MYH11: variants seen among roughly 807,000 people sequenced by gnomAD.
MYH11 encodes the protein myosin-11.
In MYH11, 80 loss-of-function variants were observed where a neutral mutation model predicts 246.6. That is an observed-to-expected ratio of 0.32 (90% CI 0.27 to 0.39). The LOEUF (loss-of-function observed/expected upper bound fraction) is 0.39. Among genes scored for constraint, MYH11 ranks in the 10% least tolerant of loss-of-function variants. MYH11 has a pLI of 1.00. For synonymous variants in MYH11, 1,071 were observed against 1,015.5 expected, an observed-to-expected ratio of 1.05 and a Z score of -1.04; for missense variants, 2,158 against 2,546.8, an observed-to-expected ratio of 0.85 and a Z score of 3.29.
intron 6 of MYH11, among the ~76,000 whole-genome samples, chr16:15,781,351 T>G (rs1347473879): frequency 6.6e-6 from 1 of 152,142 alleles, no homozygotes; most frequent in Non-Finnish European, 1.5e-5. Flanking sequence ...AAGGAGACAT[T>G]ATGTAATTGT....
chr16:15,821,535 C>T lies in MYH11; in HGVS notation c.502+1720G>A, dbSNP rs901934043. ...ACTGTAGAAATGCTTACCCATCTGTCGCTCCCCCTCCTTCTCCTTTGCTAA... is the reference window on the plus strand; with the variant it reads ...ACTGTAGAAATGCTTACCCATCTGTTGCTCCCCCTCCTTCTCCTTTGCTAA... On this transcript the variant is annotated intron_variant, in intron 3 of 40. Transcript: ENST00000300036. Among the ~76,000 whole-genome samples the T allele has an allele frequency of 2.0e-5, 3 of 152,062 alleles. No individual in the cohort carries two copies. In the East Asian group the frequency reaches 5.8e-4, roughly 29 times the overall value.
intron 36 of MYH11, 138 bp downstream of exon 36, chr16:15,719,082 T>G: frequency 1.2e-6 from 1 of 817,934 alleles, no homozygotes; most frequent in Non-Finnish European, 2.0e-6. Flanking sequence ...GAGCCAAGAT[T>G]GTGCCACTGC....
At position 15,737,456 on chromosome 16, in the gene MYH11, G is replaced by T. The variant is rs886039079; in HGVS notation, c.3286C>A (p.Leu1096Met). ...CCTTGCCAGCCCCGCTACCTGGCCA[G>T]GGCCGCCTGCAGCTCCTCCTCCTTC... The part of the protein sequence containing the change: ...AKKEEELQAA[L>M]ARLDDEIAQK... The change falls in exon 25 of 41, where the codon CTG (leucine) becomes ATG (methionine). Residue 1096 changes from leucine to methionine, a missense_variant. Around this residue, in one of 11 missense-constraint regions of MYH11, gnomAD observed 284 missense variants for 315.4 expected, o/e 0.90. Transcript: ENST00000300036. The T allele has an allele frequency of 2.5e-6, 4 of 1,612,492 alleles. No homozygotes were observed. The Admixed American group carries it at 6.7e-5, about 27-fold the overall frequency.
intron 1 of MYH11, among the ~76,000 whole-genome samples, chr16:15,845,973 C>G (rs1055347560): frequency 6.6e-6 from 1 of 152,084 alleles, no homozygotes; most frequent in African/African-American, 2.4e-5. Flanking sequence ...GTGGTACGTG[C>G]CTGTAGCCCC....
intron 40 of MYH11, among the ~76,000 whole-genome samples, chr16:15,707,327 C>T (rs927117207): frequency 7.9e-5 from 12 of 152,304 alleles, no homozygotes; most frequent in African/African-American, 2.6e-4. Flanking sequence ...CTGTGCCTGG[C>T]CTAGCATTTG....
intron 19 of MYH11, among the ~76,000 whole-genome samples, chr16:15,746,162 G>A (rs2041413181): frequency 6.6e-6 from 1 of 151,572 alleles, no homozygotes; most frequent in South Asian, 2.1e-4. Context: ...CTGGGCTCAA[G>A]CAATCCTCCT....
At chr16:15,746,521 T>C (rs2151258482) in intron 19 of MYH11, among the ~76,000 whole-genome samples, 1 of 152,210 alleles carries the variant, frequency 6.6e-6, no homozygotes, top group South Asian at 2.1e-4. Flanking sequence ...TGGGTCCATG[T>C]GTCAATGAAT....
chr16:15,788,066 T>C (rs1415376394), intron 4 of MYH11, among the ~76,000 whole-genome samples: 1 of 149,162 alleles, frequency 6.7e-6, no homozygotes, highest in East Asian at 2.0e-4. Context: ...TCCTGGAATA[T>C]GAAGGTAGAT....
intron 9 of MYH11, among the ~76,000 whole-genome samples, chr16:15,768,833 A>ATTGG (rs61106688): frequency 0.062 from 9,437 of 152,152 alleles, 924 homozygotes; most frequent in African/African-American, 0.21. Flanking sequence ...TAAAGGGGAA[A>ATTGG]CAAGTGCCAA....
intron 23 of MYH11, among the ~76,000 whole-genome samples, chr16:15,739,250 C>T (rs528085077): frequency 6.6e-6 from 1 of 152,160 alleles, no homozygotes; most frequent in East Asian, 1.9e-4. Context: ...CAGGCGCCCG[C>T]CAACACACCC....
rs763607609 is a variant in MYH11 at position 15,756,479 on chromosome 16, C to G, written c.1611G>C (p.Glu537Asp). Residue 537 changes from glutamate to aspartate, a missense_variant, in exon 14 of 41, where the codon GAG becomes GAC. Physicochemically the swap from Glu to Asp is conservative, Grantham distance 45 (BLOSUM62 2). This residue lies in a region of MYH11 where 317 missense variants were observed against 507.7 expected (regional missense o/e 0.62). Coordinates refer to ENST00000300036, the MANE Select transcript of MYH11 (RefSeq NM_002474.3). ...NPPGVLALLD[E>D]ECWFPKATDK... ...CCGTGGCTTTGGGGAACCAGCATTC[C>G]TCGTCCAGCAGGGCCAGCACACCTG... The G allele has an allele frequency of 6.2e-7, 1 of 1,614,204 alleles. No individual in the cohort carries two copies. The highest frequency in any genetic ancestry group is 2.2e-5 in the East Asian group (1 of 44,874).
chr16:15,856,333 T>TAA (rs548513969), intron 1 of MYH11, among the ~76,000 whole-genome samples: 2,038 of 140,816 alleles, frequency 0.014, 24 homozygotes, highest in Middle Eastern at 0.032. Context: ...CTAAACTGAT[T>TAA]AAAAAAAAAA....
At chr16:15,704,858 A>C (rs2039364686) in intron 40 of MYH11, among the ~76,000 whole-genome samples, 2 of 152,228 alleles carry the variant, frequency 1.3e-5, no homozygotes, top group South Asian at 4.1e-4. Context: ...TATTTTATTA[A>C]ATTGAGATGA....
intron 3 of MYH11, among the ~76,000 whole-genome samples, chr16:15,805,013 A>G (rs2042977193): frequency 6.6e-6 from 1 of 152,184 alleles, no homozygotes; most frequent in South Asian, 2.1e-4. Flanking sequence ...TTCTTCGGGT[A>G]CATACCCTAA....
intron 32 of MYH11, 69 bp from the exon 33 acceptor site, chr16:15,721,120 T>C: frequency 1.3e-6 from 2 of 1,547,364 alleles, no homozygotes; most frequent in Admixed American, 3.4e-5. Context: ...AAACCCACCG[T>C]GAGCGGCACC....
chr16:15,728,442 A>G (rs1313922873), intron 27 of MYH11, among the ~76,000 whole-genome samples: 1 of 152,236 alleles, frequency 6.6e-6, no homozygotes, highest in Non-Finnish European at 1.5e-5. Flanking sequence ...ACAATCTGCC[A>G]CATCTAAGTA....
chr16:15,710,919 C>G (rs1275075084), intron 40 of MYH11, among the ~76,000 whole-genome samples: 1 of 152,136 alleles, frequency 6.6e-6, no homozygotes, highest in Non-Finnish European at 1.5e-5. Context: ...CTCAGGTGAT[C>G]AGCCCACCTC....
At chr16:15,783,685 G>T (rs2042405603) in intron 5 of MYH11, among the ~76,000 whole-genome samples, 1 of 152,102 alleles carries the variant, frequency 6.6e-6, no homozygotes, top group Non-Finnish European at 1.5e-5. Flanking sequence ...ATAAACTTGG[G>T]GTCTCCATGC....
intron 40 of MYH11, among the ~76,000 whole-genome samples, chr16:15,707,833 G>A (rs1468258044): frequency 2.0e-5 from 3 of 152,084 alleles, no homozygotes; most frequent in African/African-American, 4.8e-5. Flanking sequence ...TTAGCTGGGC[G>A]AGGTGGCGGG....
Sources: allele counts gnomAD v4.1 joint callset (sites outside exome capture counted in the v4.1 genomes callset), GRCh38; gene constraint gnomAD v4.1.1; regional missense constraint gnomAD v4.1.1; transcripts MANE v1.5; gene names NCBI Gene and HGNC (gene_info 2026-07-23, HGNC 2026-07-21).